DMD: variants seen among roughly 807,000 people sequenced by gnomAD.
The protein encoded by DMD is dystrophin.
In DMD, 63 loss-of-function variants were observed where a neutral mutation model predicts 330.1. The ratio of observed to expected loss-of-function variants is 0.19; its 90% CI spans 0.16 to 0.24. DMD has a LOEUF of 0.24. DMD is among the 10% of genes least tolerant of loss of function. The probability of loss-of-function intolerance (pLI) is 1.00; values close to 1 mark genes in which losing one functional copy is unlikely to be tolerated. For missense variants in DMD, 3,344 were observed against 2,684.1 expected, an observed-to-expected ratio of 1.25 and a Z score of -5.43; for synonymous variants, 1,223 against 959.8, an observed-to-expected ratio of 1.27 and a Z score of -5.07.
intron 38 of DMD, among the ~76,000 whole-genome samples, chrX:32,346,905 G>A (rs1281462564): frequency 4.5e-5 from 5 of 111,624 alleles, no homozygotes; most frequent in African/African-American, 1.6e-4. Flanking sequence ...TTTCAACTCA[G>A]AATGTGAAAA....
intron 44 of DMD, among the ~76,000 whole-genome samples, chrX:32,103,514 A>C (rs897365609): frequency 1.5e-4 from 17 of 111,874 alleles, no homozygotes; most frequent in African/African-American, 5.5e-4. Flanking sequence ...AAGCTCCACG[A>C]AACAATCGAT....
At chrX:31,962,229 G>A (rs2095313151) in intron 45 of DMD, among the ~76,000 whole-genome samples, 1 of 111,519 alleles carries the variant, frequency 9.0e-6, no homozygotes, top group Non-Finnish European at 1.9e-5. Flanking sequence ...GCAATATTAA[G>A]TGTTATCACC....
Position 32,442,748 on chromosome X carries a change from C to G in DMD, c.3787-1434G>C, listed in dbSNP as rs1207157895. Among the ~76,000 whole-genome samples, 3 of 110,352 alleles carry G rather than the reference C, an allele frequency of 2.7e-5. No homozygotes were observed. In the South Asian group the frequency reaches 1.1e-3, roughly 42 times the overall value. On this transcript the variant is annotated intron_variant, in intron 27 of 78. Coordinates refer to ENST00000357033, the MANE Select transcript of DMD (RefSeq NM_004006.3). Reference sequence around the variant, plus strand: ...GTAATCAAAAAAAAGGAAATAATGTCCACTGCAAGGAGAATGGAAAAATAT... The same window carrying G: ...GTAATCAAAAAAAAGGAAATAATGTGCACTGCAAGGAGAATGGAAAAATAT...
At chrX:31,576,759 G>GTTTTTTTTTTTTT (rs201477815) in intron 55 of DMD, among the ~76,000 whole-genome samples, 1 of 103,656 alleles carries the variant, frequency 9.6e-6, no homozygotes. Context: ...ATATGAGGTT[G>GTTTTTTTTTTTTT]TTTTTTTTTG....
chrX:32,237,303 T>A (rs907498349), intron 43 of DMD, among the ~76,000 whole-genome samples: 1 of 111,616 alleles, frequency 9.0e-6, no homozygotes, highest in African/African-American at 3.3e-5. Flanking sequence ...ATGTCATATA[T>A]TATACTCTTA....
At chrX:32,086,709 C>A (rs2096441979) in intron 44 of DMD, among the ~76,000 whole-genome samples, 1 of 111,635 alleles carries the variant, frequency 9.0e-6, no homozygotes, top group Non-Finnish European at 1.9e-5. Context: ...TGCTAATTGA[C>A]ATTCTTATTT....
At chrX:32,645,905 C>A (rs1396196227) in intron 9 of DMD, among the ~76,000 whole-genome samples, 1 of 111,930 alleles carries the variant, frequency 8.9e-6, no homozygotes, top group Non-Finnish European at 1.9e-5. Flanking sequence ...ATCCATAATT[C>A]TAAAGAGAAG....
At chrX:32,656,561 G>C in intron 9 of DMD, among the ~76,000 whole-genome samples, 1 of 112,007 alleles carries the variant, frequency 8.9e-6, no homozygotes. Context: ...ATCTGTAAAA[G>C]CTTATATGTG....
chrX:32,678,915 T>G (rs1017561602), intron 9 of DMD, among the ~76,000 whole-genome samples: 4 of 111,747 alleles, frequency 3.6e-5, no homozygotes, highest in Non-Finnish European at 7.5e-5. Context: ...CATGTAAATA[T>G]AAAAATTTAA....
At chrX:32,414,524 A>T (rs913924333) in intron 29 of DMD, among the ~76,000 whole-genome samples, 1 of 111,899 alleles carries the variant, frequency 8.9e-6, no homozygotes, top group African/African-American at 3.3e-5. Context: ...TAGACTATCA[A>T]CTCTAATGAG....
chrX:33,182,681 C>T (rs2148748830), intron 1 of DMD, among the ~76,000 whole-genome samples: 1 of 112,154 alleles, frequency 8.9e-6, no homozygotes, highest in South Asian at 3.7e-4. Flanking sequence ...AACTCCATAA[C>T]TGATACTGTA....
At chrX:32,437,751 T>G (rs2098267153) in intron 29 of DMD, among the ~76,000 whole-genome samples, 1 of 112,618 alleles carries the variant, frequency 8.9e-6, no homozygotes, top group South Asian at 3.6e-4. Context: ...AATTTGCTAT[T>G]TTGTTTTAGT....
intron 61 of DMD, among the ~76,000 whole-genome samples, chrX:31,341,910 C>CACACACGCATGT (rs1556527499): frequency 9.0e-5 from 10 of 110,606 alleles, no homozygotes; most frequent in African/African-American, 3.3e-4. Context: ...CACACACACA[C>CACACACGCATGT]ACACACACAC....
At chrX:33,073,405 A>G (rs769188253) in intron 1 of DMD, among the ~76,000 whole-genome samples, 133 of 112,273 alleles carry the variant, frequency 1.2e-3, no homozygotes, top group African/African-American at 4.2e-3. Flanking sequence ...CTTTGTATGT[A>G]AGGAGAATGA....
At chrX:31,801,750 G>C (rs187814797) in intron 50 of DMD, among the ~76,000 whole-genome samples, 1 of 111,399 alleles carries the variant, frequency 9.0e-6, no homozygotes, top group Admixed American at 9.6e-5. Context: ...GCTAGGTAAG[G>C]AGGAGGCAGA....
intron 1 of DMD, among the ~76,000 whole-genome samples, chrX:33,328,157 T>G: frequency 9.0e-6 from 1 of 111,429 alleles, no homozygotes; most frequent in Middle Eastern, 4.6e-3. Context: ...AGAGGAAAAA[T>G]AAAATCTGAT....
chrX:32,394,786 T>A (rs948604663), intron 30 of DMD, among the ~76,000 whole-genome samples: 8 of 109,200 alleles, frequency 7.3e-5, no homozygotes, highest in Admixed American at 6.9e-4. Context: ...TAATCATATC[T>A]GTGTACATGT....
At chrX:31,669,885 A>C (rs1209089498) in intron 53 of DMD, among the ~76,000 whole-genome samples, 1 of 108,188 alleles carries the variant, frequency 9.2e-6, no homozygotes, top group Non-Finnish European at 1.9e-5. Context: ...ATGATTCCAT[A>C]GAGTCTGTAG....
intron 9 of DMD, among the ~76,000 whole-genome samples, chrX:32,656,326 A>T (rs1350443818): frequency 8.9e-6 from 1 of 111,809 alleles, no homozygotes; most frequent in Non-Finnish European, 1.9e-5. Context: ...ATGATCGAAA[A>T]ACTGGGCAAC....
Sources: allele counts gnomAD v4.1 joint callset (sites outside exome capture counted in the v4.1 genomes callset), GRCh38; gene constraint gnomAD v4.1.1; transcripts MANE v1.5; gene names NCBI Gene and HGNC (gene_info 2026-07-23, HGNC 2026-07-21).